AGMO: variants seen among roughly 807,000 people sequenced by gnomAD.
AGMO encodes alkylglycerol monooxygenase, also known as glyceryl-ether monooxygenase.
Under a neutral mutation model 60.2 loss-of-function variants are expected in AGMO, and 75 were observed. The ratio of observed to expected loss-of-function variants is 1.25; its 90% CI spans 1.03 to 1.51. The LOEUF (loss-of-function observed/expected upper bound fraction) is 1.51, where lower values mean the gene tolerates loss of function less well. Ranked by LOEUF, AGMO falls within the 40% of genes most tolerant of loss-of-function variation. The pLI is 0.00. For synonymous variants in AGMO, 261 were observed against 177.1 expected (o/e 1.47, Z -3.76); for missense variants, 763 against 525.5 (o/e 1.45, Z -4.42).
intron 12 of AGMO, among the ~76,000 whole-genome samples, chr7:15,204,250 C>T (rs1472081746): frequency 6.6e-6 from 1 of 152,060 alleles, no homozygotes; most frequent in Non-Finnish European, 1.5e-5. Flanking sequence ...ATATAACCAC[C>T]TGATTACCGT....
At chr7:15,370,697 G>A (rs1045168316) in intron 10 of AGMO, among the ~76,000 whole-genome samples, 1 of 152,066 alleles carries the variant, frequency 6.6e-6, no homozygotes. Context: ...CTTTTGAGAG[G>A]TGCCTGTTTA....
chr7:15,468,943 A>G (rs1782366662), intron 3 of AGMO, among the ~76,000 whole-genome samples: 2 of 152,132 alleles, frequency 1.3e-5, no homozygotes, highest in Admixed American at 1.3e-4. Context: ...AAATATAGCA[A>G]TTAAAACACA....
chr7:15,554,363 G>T (rs1375219410), intron 2 of AGMO, among the ~76,000 whole-genome samples: 1 of 151,840 alleles, frequency 6.6e-6, no homozygotes, highest in Admixed American at 6.6e-5. Context: ...GTAGCACAGG[G>T]GCTTGGAATT....
chr7:15,525,234 G>A (rs77074654), intron 3 of AGMO, among the ~76,000 whole-genome samples: 2,234 of 152,244 alleles, frequency 0.015, 58 homozygotes, highest in African/African-American at 0.05. Flanking sequence ...GCAGATAGGG[G>A]TGGGCCCCTG....
At chr7:15,151,537 T>G in the AGMO span, among the ~76,000 whole-genome samples, 9 of 152,260 alleles carry the variant, frequency 5.9e-5, no homozygotes, top group African/African-American at 2.2e-4. Flanking sequence ...TTAAAGAATT[T>G]TTTTCTGTTT....
At chr7:15,396,764 G>A (rs1230496761) in intron 5 of AGMO, among the ~76,000 whole-genome samples, 1 of 151,630 alleles carries the variant, frequency 6.6e-6, no homozygotes, top group Non-Finnish European at 1.5e-5. Context: ...ACGGAGAGCT[G>A]ATTGGTCCAT....
At chr7:15,216,895 C>T (rs987027306) in intron 12 of AGMO, among the ~76,000 whole-genome samples, 4 of 151,150 alleles carry the variant, frequency 2.6e-5, no homozygotes, top group Non-Finnish European at 5.9e-5. Context: ...ATCCCTTTGA[C>T]AATGTTTGGC....
chr7:15,228,055 A>C (rs73277639), intron 12 of AGMO, among the ~76,000 whole-genome samples: 7,359 of 152,130 alleles, frequency 0.048, 592 homozygotes, highest in African/African-American at 0.17. Context: ...ATGAATTCTT[A>C]TTCATGCATA....
At chr7:15,225,737 A>T (rs569611943) in intron 12 of AGMO, among the ~76,000 whole-genome samples, 5 of 152,136 alleles carry the variant, frequency 3.3e-5, no homozygotes, top group Non-Finnish European at 4.4e-5. Context: ...TTTCTTGCTC[A>T]TAAGATTAAA....
At chr7:15,379,688 G>A (rs902669092) in intron 10 of AGMO, among the ~76,000 whole-genome samples, 4 of 151,954 alleles carry the variant, frequency 2.6e-5, no homozygotes, top group African/African-American at 9.7e-5. Context: ...AGAAGAGCTG[G>A]TACCATTTCT....
intron 10 of AGMO, among the ~76,000 whole-genome samples, chr7:15,369,205 G>A (rs1783103752): frequency 6.6e-6 from 1 of 151,936 alleles, no homozygotes; most frequent in Non-Finnish European, 1.5e-5. Context: ...AACAATTGTT[G>A]AAATACTCCC....
intron 12 of AGMO, among the ~76,000 whole-genome samples, chr7:15,248,798 G>A (rs925019247): frequency 2.0e-5 from 3 of 152,146 alleles, no homozygotes; most frequent in Admixed American, 6.5e-5. Context: ...TTCTTGACTT[G>A]AGCCAAGTGC....
chr7:15,474,630 G>C (rs768615989), intron 3 of AGMO, among the ~76,000 whole-genome samples: 2 of 152,102 alleles, frequency 1.3e-5, no homozygotes, highest in Non-Finnish European at 2.9e-5. Flanking sequence ...CAAGGACATA[G>C]TCATGGACAA....
chr7:15,489,607 T>C (rs1346604987), intron 3 of AGMO, among the ~76,000 whole-genome samples: 2 of 152,144 alleles, frequency 1.3e-5, no homozygotes, highest in South Asian at 2.1e-4. Flanking sequence ...ATAACATCCA[T>C]CTACTGCTCT....
intron 10 of AGMO, among the ~76,000 whole-genome samples, chr7:15,379,132 G>C (rs1392300323): frequency 6.6e-6 from 1 of 152,006 alleles, no homozygotes; most frequent in Non-Finnish European, 1.5e-5. Context: ...TGTTAAGAGA[G>C]AAATTTATAG....
chr7:15,465,930 G>A (rs1782272590), intron 3 of AGMO, among the ~76,000 whole-genome samples: 1 of 151,984 alleles, frequency 6.6e-6, no homozygotes, highest in South Asian at 2.1e-4. Context: ...TTTCAAGAAT[G>A]CAAATGGAAT....
chr7:15,492,375 AAC>A (rs80030939), intron 3 of AGMO, among the ~76,000 whole-genome samples: 12 of 150,904 alleles, frequency 8.0e-5, no homozygotes, highest in South Asian at 2.1e-4. Context: ...AAAAAAAAAA[AAC>A]ATTAATAATA....
chr7:15,302,769 T>G (rs897035836), intron 12 of AGMO, among the ~76,000 whole-genome samples: 4 of 152,166 alleles, frequency 2.6e-5, no homozygotes, highest in Non-Finnish European at 2.9e-5. Flanking sequence ...ATGGTACGGT[T>G]GCTGGAATAC....
intron 12 of AGMO, among the ~76,000 whole-genome samples, chr7:15,293,092 T>C (rs1353209902): frequency 6.6e-6 from 1 of 152,100 alleles, no homozygotes; most frequent in Non-Finnish European, 1.5e-5. Flanking sequence ...AGTTGTTTAT[T>C]ATTTAGCTTC....
Sources: gnomAD v4.1 joint callset for allele counts (sites outside exome capture counted in the v4.1 genomes callset) on GRCh38, gnomAD v4.1.1 for gene constraint, MANE v1.5 for transcripts, NCBI Gene and HGNC (gene_info 2026-07-23, HGNC 2026-07-21) for gene names.